ACYP2: variants seen among roughly 807,000 people sequenced by gnomAD.
The protein encoded by ACYP2 is acylphosphatase-2.
Under a neutral mutation model 11.2 loss-of-function variants are expected in ACYP2, and 12 were observed. That is an observed-to-expected ratio of 1.08 (90% CI 0.69 to 1.74). ACYP2 has a LOEUF of 1.74. Ranked by LOEUF, ACYP2 falls within the 40% of genes most tolerant of loss-of-function variation. The pLI is 0.00. For synonymous variants in ACYP2, 43 were observed against 32.2 expected, an observed-to-expected ratio of 1.33 and a Z score of -1.13; for missense variants, 134 against 101.9, an observed-to-expected ratio of 1.31 and a Z score of -1.35.
intron 2 of ACYP2, among the ~76,000 whole-genome samples, chr2:54,012,131 G>T (rs1673408150): frequency 1.3e-5 from 2 of 151,744 alleles, no homozygotes; most frequent in Admixed American, 1.3e-4. Context: ...AGCTACTCAG[G>T]TGGCTGAGGA....
rs367876005 is a variant in ACYP2, at chr2:54,106,567, G to A, written c.278-28886G>A. ...GTCAACATAATGTCTCATATAATAAGAGTTCAACTAACATTTACCAGACAA... is the reference window on the plus strand; with the variant it reads ...GTCAACATAATGTCTCATATAATAAAAGTTCAACTAACATTTACCAGACAA... On this transcript the variant is annotated intron_variant, in intron 4 of 6. Coordinates refer to ENST00000607452, the MANE Select transcript of ACYP2 (RefSeq NM_001320586.2). Among the ~76,000 whole-genome samples, 3 of 151,494 alleles carry A rather than the reference G, an allele frequency of 2.0e-5. No homozygotes were observed. In the South Asian group the frequency reaches 6.3e-4, roughly 32 times the overall value.
At chr2:54,117,761 T>A (rs934032379) in intron 4 of ACYP2, among the ~76,000 whole-genome samples, 3 of 152,218 alleles carry the variant, frequency 2.0e-5, no homozygotes, top group Non-Finnish European at 4.4e-5. Flanking sequence ...GATCTTTTTT[T>A]AATTTAATTT....
chr2:54,145,203 A>G (rs1360960901), intron 6 of ACYP2, among the ~76,000 whole-genome samples: 2 of 152,182 alleles, frequency 1.3e-5, no homozygotes, highest in African/African-American at 4.8e-5. Context: ...TTATTTGATT[A>G]TAATCTGAGA....
At chr2:54,235,836 A>AAACC (rs753407080) in intron 6 of ACYP2, among the ~76,000 whole-genome samples, 1 of 152,208 alleles carries the variant, frequency 6.6e-6, no homozygotes, top group Admixed American at 6.5e-5. Flanking sequence ...CCCTGTCTCA[A>AAACC]AACCAACCAA....
At chr2:54,035,677 A>C (rs2104558252) in intron 2 of ACYP2, among the ~76,000 whole-genome samples, 1 of 152,298 alleles carries the variant, frequency 6.6e-6, no homozygotes, top group East Asian at 1.9e-4. Flanking sequence ...AATTTCAGAC[A>C]ATTCTAGGAT....
chr2:53,998,984 C>A (rs1672688798), intron 2 of ACYP2, among the ~76,000 whole-genome samples: 1 of 151,982 alleles, frequency 6.6e-6, no homozygotes, highest in African/African-American at 2.4e-5. Flanking sequence ...TGAAGTGACA[C>A]CTGTTACTTC....
chr2:54,115,764 GC>G lies in ACYP2; in HGVS notation c.278-19685del. 1 of 1,599,458 alleles carries G rather than the reference GC, an allele frequency of 6.3e-7. No individual in the cohort carries two copies. Among genetic ancestry groups the G allele is most frequent in the East Asian group, 2.3e-5 (1 of 43,152 alleles). On this transcript the variant is annotated intron_variant, in intron 4 of 6. Transcript: ENST00000607452. ...TGTTCGGAAGAGTGCAGGGTAGGAG[GC>G]CCCTCTACGGTGGGAGATCAAAAAG... is the stretch of plus-strand genomic sequence containing the variant.
rs149196721 is a variant in ACYP2 at position 54,116,476 on chromosome 2, G to A, written c.278-18977G>A. On this transcript the variant is annotated intron_variant, in intron 4 of 6. Transcript: ENST00000607452. ...TGATTTTCATTTCACTTTTCCCACCGAATTACCCCATTGTTTTGCTTGAGG... is the reference window on the plus strand; with the variant it reads ...TGATTTTCATTTCACTTTTCCCACCAAATTACCCCATTGTTTTGCTTGAGG... 3.4e-3 allele frequency among the ~76,000 whole-genome samples: 501 copies of A among 145,794 alleles called. 2 individuals carry two copies. Among genetic ancestry groups the A allele is most frequent in the African/African-American group, 0.012 (483 of 39,726 alleles).
chr2:54,259,946 T>C (rs945589115), intron 6 of ACYP2, among the ~76,000 whole-genome samples: 4 of 152,194 alleles, frequency 2.6e-5, no homozygotes, highest in Admixed American at 2.6e-4. Flanking sequence ...AACGTGTTTT[T>C]AAAATGGGAG....
chr2:53,984,777 A>C (rs535859452), intron 2 of ACYP2, among the ~76,000 whole-genome samples: 157 of 151,942 alleles, frequency 1.0e-3, no homozygotes, highest in African/African-American at 2.1e-3. Context: ...ACAAACCAAA[A>C]CAAAACAAAA....
chr2:54,031,189 A>G (rs940636806), intron 2 of ACYP2, among the ~76,000 whole-genome samples: 1 of 152,052 alleles, frequency 6.6e-6, no homozygotes, highest in Non-Finnish European at 1.5e-5. Context: ...GGTTTGTTAC[A>G]TATGTATACA....
At chr2:54,144,584 G>C (rs1681798332) in intron 6 of ACYP2, among the ~76,000 whole-genome samples, 1 of 150,384 alleles carries the variant, frequency 6.6e-6, no homozygotes, top group African/African-American at 2.5e-5. Flanking sequence ...TGAAGCAGGA[G>C]AATCGCTTGA....
chr2:54,144,565 T>C (rs944977937), intron 6 of ACYP2, among the ~76,000 whole-genome samples: 1 of 151,204 alleles, frequency 6.6e-6, no homozygotes, highest in Non-Finnish European at 1.5e-5. Flanking sequence ...TCCCAGCTAC[T>C]TGGGAGGCTG....
intron 6 of ACYP2, among the ~76,000 whole-genome samples, chr2:54,212,503 A>T (rs889515902): frequency 1.3e-5 from 2 of 152,180 alleles, no homozygotes; most frequent in African/African-American, 4.8e-5. Flanking sequence ...TCATCTTAGT[A>T]GTGGTCTGTC....
intron 6 of ACYP2, among the ~76,000 whole-genome samples, chr2:54,246,944 G>C (rs1318617298): frequency 6.6e-6 from 1 of 152,092 alleles, no homozygotes; most frequent in African/African-American, 2.4e-5. Context: ...CACCATGATA[G>C]GATAAAAGCT....
chr2:54,029,041 G>C (rs962935743), intron 2 of ACYP2, among the ~76,000 whole-genome samples: 8 of 152,076 alleles, frequency 5.3e-5, no homozygotes, highest in African/African-American at 1.9e-4. Context: ...GGTGTTGCCT[G>C]TGGTCCCCAG....
At chr2:54,118,014 C>T (rs1679914571) in intron 4 of ACYP2, among the ~76,000 whole-genome samples, 2 of 152,138 alleles carry the variant, frequency 1.3e-5, no homozygotes, top group Non-Finnish European at 2.9e-5. Context: ...GAAGTGAGAA[C>T]ATAGAATGTT....
chr2:54,031,338 A>G (rs1674576011), intron 2 of ACYP2, among the ~76,000 whole-genome samples: 1 of 133,620 alleles, frequency 7.5e-6, no homozygotes, highest in Admixed American at 9.1e-5. Flanking sequence ...AAGTGTTCTC[A>G]TTGTTCAATT....
chr2:54,285,527 C>G (rs575830418), intron 6 of ACYP2, among the ~76,000 whole-genome samples: 2 of 152,340 alleles, frequency 1.3e-5, no homozygotes, highest in East Asian at 1.9e-4. Context: ...TAAAAAGCAT[C>G]TCATGCTTAC....
Sources: gnomAD v4.1 joint callset for allele counts (sites outside exome capture counted in the v4.1 genomes callset) on GRCh38, gnomAD v4.1.1 for gene constraint, MANE v1.5 for transcripts, NCBI Gene and HGNC (gene_info 2026-07-23, HGNC 2026-07-21) for gene names.